Variants in ESRRG observed in about 807,000 individuals in gnomAD.
ESRRG encodes the protein estrogen-related receptor gamma.
Under a neutral mutation model 44.0 loss-of-function variants are expected in ESRRG, and 13 were observed. That is an observed-to-expected ratio of 0.30 (90% CI 0.19 to 0.47). The LOEUF (loss-of-function observed/expected upper bound fraction) is 0.47, where lower values mean the gene tolerates loss of function less well. Among genes scored for constraint, ESRRG ranks in the 20% least tolerant of loss-of-function variants. ESRRG has a pLI of 1.00. For missense variants in ESRRG, 395 were observed against 580.6 expected (o/e 0.68, Z 3.29); for synonymous variants, 215 against 214.6 (o/e 1.00, Z -0.02).
rs1211832889 is a variant in ESRRG, at chr1:216,506,371, T to C, written c.*568A>G. ...CATCCTTTGGCAGGGCTGGCTTCCA[T>C]CTCTCTTCAGTTAGAGACCTCTTTT... On this transcript the variant is annotated 3_prime_UTR_variant, in exon 7 of 7. Coordinates refer to ENST00000408911, the MANE Select transcript of ESRRG (RefSeq NM_001438.4). 1 of 293,150 alleles carries C rather than the reference T, an allele frequency of 3.4e-6. No homozygotes were observed. The highest frequency in any genetic ancestry group is 4.5e-5 in the Admixed American group (1 of 22,376). 18.2% of individuals were successfully genotyped at this position (293,150 alleles called of 1,614,324 possible).
intron 3 of ESRRG, among the ~76,000 whole-genome samples, chr1:216,639,766 T>C (rs2066013030): frequency 6.6e-6 from 1 of 152,174 alleles, no homozygotes; most frequent in South Asian, 2.1e-4. Context: ...TAGATACACA[T>C]AATCTTTTGA....
At chr1:217,027,432 T>C (rs1033719633) in intron 1 of ESRRG, among the ~76,000 whole-genome samples, 1 of 152,184 alleles carries the variant, frequency 6.6e-6, no homozygotes, top group African/African-American at 2.4e-5. Context: ...ACAGAGGTGA[T>C]TCAGTGTAAT....
At chr1:217,071,618 A>G (rs905473788) in intron 1 of ESRRG, among the ~76,000 whole-genome samples, 3 of 152,198 alleles carry the variant, frequency 2.0e-5, no homozygotes, top group Non-Finnish European at 2.9e-5. Flanking sequence ...TAACTTCAAT[A>G]TTGGCAATTT....
intron 5 of ESRRG, among the ~76,000 whole-genome samples, chr1:216,521,833 C>T (rs1338794457): frequency 2.0e-5 from 3 of 151,998 alleles, no homozygotes; most frequent in African/African-American, 7.3e-5. Flanking sequence ...TTAATACAAA[C>T]GCTGTTTCAG....
chr1:216,850,745 G>A (rs1361061465), intron 2 of ESRRG, among the ~76,000 whole-genome samples: 1 of 151,878 alleles, frequency 6.6e-6, no homozygotes, highest in Non-Finnish European at 1.5e-5. Context: ...ATACCGTGCT[G>A]TTTTACAAAA....
At chr1:216,628,845 A>G (rs1014000245) in intron 3 of ESRRG, among the ~76,000 whole-genome samples, 3 of 152,212 alleles carry the variant, frequency 2.0e-5, no homozygotes, top group African/African-American at 7.2e-5. Context: ...CCCTGACTCC[A>G]TCTTCATCAC....
chr1:216,744,173 C>A (rs992462898), intron 2 of ESRRG, among the ~76,000 whole-genome samples: 1 of 152,136 alleles, frequency 6.6e-6, no homozygotes, highest in Non-Finnish European at 1.5e-5. Context: ...GTAAGAAATA[C>A]ATTGTCCGTT....
At chr1:216,809,962 A>G (rs1221020849) in intron 2 of ESRRG, among the ~76,000 whole-genome samples, 14 of 152,176 alleles carry the variant, frequency 9.2e-5, no homozygotes, top group Admixed American at 9.2e-4. Flanking sequence ...TCTGACATCA[A>G]TGAGATGAGT....
chr1:217,023,255 C>A (rs894320451), intron 1 of ESRRG, among the ~76,000 whole-genome samples: 2 of 152,164 alleles, frequency 1.3e-5, no homozygotes, highest in African/African-American at 4.8e-5. Context: ...CAGCTGCAAT[C>A]GTACATCAAT....
At chr1:216,918,984 T>C (rs1389305908) in intron 2 of ESRRG, among the ~76,000 whole-genome samples, 2 of 151,834 alleles carry the variant, frequency 1.3e-5, no homozygotes, top group Non-Finnish European at 2.9e-5. Flanking sequence ...ATGCATAATA[T>C]AACTTTTATA....
chr1:216,833,986 G>T (rs1470224285), intron 2 of ESRRG, among the ~76,000 whole-genome samples: 1 of 152,190 alleles, frequency 6.6e-6, no homozygotes, highest in Non-Finnish European at 1.5e-5. Context: ...TTCTTCATCT[G>T]CACAGTTATC....
chr1:216,769,170 T>C (rs1393740714), intron 2 of ESRRG, among the ~76,000 whole-genome samples: 1 of 152,010 alleles, frequency 6.6e-6, no homozygotes, highest in Non-Finnish European at 1.5e-5. Flanking sequence ...GCAGGAGAAT[T>C]GAGGAGAGTG....
At chr1:216,557,308 A>G (rs1488061694) in intron 5 of ESRRG, among the ~76,000 whole-genome samples, 1 of 152,034 alleles carries the variant, frequency 6.6e-6, no homozygotes, top group African/African-American at 2.4e-5. Flanking sequence ...AATATGTTAC[A>G]TTTGCCTTAA....
At position 216,520,587 on chromosome 1, in the gene ESRRG, A is replaced by G. The variant is rs530993538; in HGVS notation, c.863-1166T>C. Among the ~76,000 whole-genome samples, 38 of 152,270 alleles carry G rather than the reference A, an allele frequency of 2.5e-4. No individual in the cohort carries two copies. In the East Asian group the frequency reaches 7.0e-3, roughly 28 times the overall value. On this transcript the variant is annotated intron_variant, in intron 5 of 6. Coordinates refer to ENST00000408911, the MANE Select transcript of ESRRG (RefSeq NM_001438.4). ...TAAAGTGAAGATACCTGATGATCAG[A>G]AGCTTTTCTCAAGTCCTAAAAAAGA...
At chr1:216,764,841 G>T (rs2092993700) in intron 2 of ESRRG, among the ~76,000 whole-genome samples, 1 of 152,106 alleles carries the variant, frequency 6.6e-6, no homozygotes, top group South Asian at 2.1e-4. Context: ...GGGAACAACA[G>T]ATGCTGCAGG....
chr1:216,596,273 G>C lies in ESRRG; in HGVS notation c.590-28175C>G, dbSNP rs116576961. Among the ~76,000 whole-genome samples the C allele has an allele frequency of 6.8e-4, 103 of 152,228 alleles. 1 individual carries two copies. Among genetic ancestry groups the C allele is most frequent in the African/African-American group, 2.4e-3 (98 of 41,536 alleles). On this transcript the variant is annotated intron_variant, in intron 3 of 6. Coordinates refer to ENST00000408911, the MANE Select transcript of ESRRG (RefSeq NM_001438.4). ...CTTCAGGGCTTCTTTCTCCTCTCCT[G>C]ATAAGACTGCCAACTCCACTCTCTG...
At chr1:216,868,194 T>C (rs1267213715) in intron 2 of ESRRG, among the ~76,000 whole-genome samples, 1 of 147,870 alleles carries the variant, frequency 6.8e-6, no homozygotes, top group African/African-American at 2.5e-5. Flanking sequence ...TTCAAGCCAT[T>C]CTCCTGTCTC....
At chr1:216,886,110 T>C (rs2096514441) in intron 2 of ESRRG, among the ~76,000 whole-genome samples, 2 of 152,190 alleles carry the variant, frequency 1.3e-5, no homozygotes, top group South Asian at 4.1e-4. Flanking sequence ...ATGAATAATC[T>C]CTGAGTAGAC....
intron 2 of ESRRG, among the ~76,000 whole-genome samples, chr1:216,869,351 A>G (rs987537026): frequency 6.6e-6 from 1 of 152,150 alleles, no homozygotes; most frequent in African/African-American, 2.4e-5. Flanking sequence ...ACCATTGTCA[A>G]AAAATAATTG....
Sources: gnomAD v4.1 joint callset for allele counts (sites outside exome capture counted in the v4.1 genomes callset) on GRCh38, gnomAD v4.1.1 for gene constraint, MANE v1.5 for transcripts, NCBI Gene and HGNC (gene_info 2026-07-23, HGNC 2026-07-21) for gene names.